The following NOL10 variants were observed in gnomAD, a reference collection of about 807,000 sequenced individuals.
The protein encoded by NOL10 is H_NH0074G24.1.
In NOL10, 58 loss-of-function variants were observed where a neutral mutation model predicts 103.5. The observed-to-expected ratio is 0.56, with a 90% CI of 0.45 to 0.70. The LOEUF (loss-of-function observed/expected upper bound fraction) is 0.70. Ranked by LOEUF, NOL10 falls within the 30% of genes least tolerant of loss-of-function variation. The pLI, the probability that NOL10 is intolerant of heterozygous loss-of-function variation, is 0.00. For synonymous variants in NOL10, 287 were observed against 282.5 expected, an observed-to-expected ratio of 1.02 and a Z score of -0.16; for missense variants, 763 against 807.3, an observed-to-expected ratio of 0.95 and a Z score of 0.67.
In NOL10 at chr2:10,684,602, T is replaced by C. The variant is rs1682022149; in HGVS notation, c.77A>G (p.Asp26Gly). 4 of 1,570,206 alleles carry C rather than the reference T, an allele frequency of 2.5e-6. No individual in the cohort carries two copies. The highest frequency in any genetic ancestry group is 3.5e-6 in the Non-Finnish European group (4 of 1,156,376). The change falls in exon 2 of 21, where the codon GAT (aspartate) becomes GGT (glycine). Residue 26 changes from aspartate (D) to glycine (G), a missense_variant. Coordinates refer to ENST00000381685, the MANE Select transcript of NOL10 (RefSeq NM_024894.4). The part of the protein sequence containing the change: ...CGKSLPEWLS[D>G]RKKRALQKKD... ...CTTCTGTAGCGCTCTCTTCTTCCTA[T>C]CAGAAAGCCACTTAAAGAAAATGAA...
chr2:10,656,631 G>A (rs1422504756), intron 11 of NOL10, among the ~76,000 whole-genome samples: 2 of 152,248 alleles, frequency 1.3e-5, no homozygotes, highest in Non-Finnish European at 2.9e-5. Flanking sequence ...ACAGGCAGCT[G>A]AACTGTGAGG....
intron 13 of NOL10, among the ~76,000 whole-genome samples, chr2:10,621,495 G>A (rs1677145539): frequency 6.6e-6 from 1 of 152,208 alleles, no homozygotes. Flanking sequence ...TTGGGAGACT[G>A]AGGTTGGGGA....
chr2:10,671,542 T>A lies in NOL10; in HGVS notation c.464+12A>T, dbSNP rs1471749264. The A allele has an allele frequency of 2.6e-6, 4 of 1,567,200 alleles. No homozygotes were observed. The highest frequency in any genetic ancestry group is 3.4e-6 in the Non-Finnish European group (4 of 1,160,276). ...GGAGGTGAAAAGGAGAAAAAGGGAC[T>A]GGATCCAATACCTTGCACCAACAAA... On this transcript the variant is annotated intron_variant, in intron 6 of 20. Transcript: ENST00000381685.
chr2:10,655,518 G>A (rs1427375513), intron 11 of NOL10, among the ~76,000 whole-genome samples: 1 of 152,110 alleles, frequency 6.6e-6, no homozygotes, highest in Admixed American at 6.6e-5. Flanking sequence ...TTGGGGAAAA[G>A]TGTTTTATCT....
At chr2:10,670,211 A>G (rs1432255580) in intron 6 of NOL10, among the ~76,000 whole-genome samples, 3 of 152,220 alleles carry the variant, frequency 2.0e-5, no homozygotes, top group East Asian at 1.9e-4. Context: ...TAAATGAGTC[A>G]CATGTAGGAA....
In NOL10 at chr2:10,607,195, A is replaced by C; in HGVS notation, c.1143T>G (p.Leu381=). Residue 381 remains leucine, a synonymous_variant, in exon 14 of 21, where the codon CTT becomes CTG. Coordinates refer to ENST00000381685, the MANE Select transcript of NOL10 (RefSeq NM_024894.4). ...DDYKFVTKKD[L]ENLGLTHLIG... ...CAATTTTTTTTTTACCTAAATTTTC[A>C]AGGTCTTTCTTGGTGACAAATTTAT... is the stretch of plus-strand genomic sequence containing the variant. 2 of 1,558,458 alleles carry C rather than the reference A, an allele frequency of 1.3e-6. No homozygotes were observed. The highest frequency in any genetic ancestry group is 1.7e-6 in the Non-Finnish European group (2 of 1,152,580).
chr2:10,634,306 T>G (rs1003125623), intron 13 of NOL10, among the ~76,000 whole-genome samples: 2 of 152,112 alleles, frequency 1.3e-5, no homozygotes, highest in African/African-American at 4.8e-5. Flanking sequence ...TGCAAACAGC[T>G]GATGGACTGG....
chr2:10,675,898 C>G (rs1681274985), intron 3 of NOL10, 27 bp from the exon 4 acceptor site: 1 of 1,274,188 alleles, frequency 7.8e-7, no homozygotes, highest in African/African-American at 1.5e-5. Flanking sequence ...TGATGTAAAA[C>G]CTAAAGACAT....
intron 4 of NOL10, among the ~76,000 whole-genome samples, chr2:10,673,989 G>C (rs527716679): frequency 1.3e-5 from 2 of 151,878 alleles, no homozygotes; most frequent in Non-Finnish European, 2.9e-5. Flanking sequence ...GTGGCACACA[G>C]AGTTTCTATT....
intron 3 of NOL10, among the ~76,000 whole-genome samples, chr2:10,677,163 TCCTGAGTTCAGGTGATCTG>T (rs1681364806): frequency 3.9e-5 from 6 of 152,064 alleles, no homozygotes; most frequent in Admixed American, 3.9e-4. Context: ...GGTCTTGAAC[TCCTGAGTTCAGGTGATCTG>T]CCTGTCTCCG....
chr2:10,655,333 A>G (rs1572386861), intron 11 of NOL10, among the ~76,000 whole-genome samples: 2 of 152,056 alleles, frequency 1.3e-5, no homozygotes, highest in Non-Finnish European at 2.9e-5. Context: ...AAACAAACCA[A>G]TCAGAGGAGA....
chr2:10,597,666 G>T (rs572809853), intron 17 of NOL10, among the ~76,000 whole-genome samples: 1 of 152,140 alleles, frequency 6.6e-6, no homozygotes, highest in Non-Finnish European at 1.5e-5. Context: ...ACTGAGCTCT[G>T]ATAATAGGTC....
chr2:10,646,464 C>A lies in NOL10; in HGVS notation c.974-2092G>T, dbSNP rs186922036. On this transcript the variant is annotated intron_variant, in intron 12 of 20. Transcript: ENST00000381685. Reference sequence around the variant, plus strand: ...AAAAATGGAGGAGGATCTCACACAACCACATACGGCTAATGATACAAGCAG... The same window carrying A: ...AAAAATGGAGGAGGATCTCACACAAACACATACGGCTAATGATACAAGCAG... Among the ~76,000 whole-genome samples the A allele has an allele frequency of 1.9e-3, 293 of 152,270 alleles. 2 individuals carry two copies. The highest frequency in any genetic ancestry group is 6.8e-3 in the African/African-American group (282 of 41,556).
chr2:10,613,739 TAACAGC>T (rs2148205533), intron 13 of NOL10, among the ~76,000 whole-genome samples: 1 of 152,302 alleles, frequency 6.6e-6, no homozygotes, highest in Non-Finnish European at 1.5e-5. Flanking sequence ...CTACATTTAC[TAACAGC>T]AACAGGGAGT....
chr2:10,594,118 G>A (rs982102653), intron 17 of NOL10, among the ~76,000 whole-genome samples: 1 of 147,926 alleles, frequency 6.8e-6, no homozygotes, highest in African/African-American at 2.5e-5. Context: ...ACTGAAGACC[G>A]AACTTCTAGA....
intron 17 of NOL10, among the ~76,000 whole-genome samples, chr2:10,593,401 T>C (rs2148170088): frequency 6.6e-6 from 1 of 152,228 alleles, no homozygotes; most frequent in South Asian, 2.1e-4. Flanking sequence ...CCTTCCAAAG[T>C]GCTGGGATTA....
Position 10,636,420 on chromosome 2 carries a change from CAA to C in NOL10, c.1026+7898_1026+7899del, listed in dbSNP as rs70953327. On this transcript the variant is annotated intron_variant, in intron 13 of 20. Transcript: ENST00000381685. ...GTGAAACCCTGTCTCTACAAAAAAC[CAA>C]AAAAAAAAAAAAAAAAAAAAAAAAC... Among the ~76,000 whole-genome samples the C allele has an allele frequency of 3.8e-3, 209 of 54,688 alleles. 13 individuals are homozygous for C. The highest frequency in any genetic ancestry group is 7.3e-3 in the South Asian group (7 of 962). The allele number at this position is 54,688 out of a possible 152,430, so 35.9% of individuals were successfully genotyped here. A position where few individuals can be genotyped will look rare whatever the true frequency, so the allele number is the denominator to read the frequency against.
chr2:10,668,113 A>G (rs1366141574), intron 7 of NOL10, among the ~76,000 whole-genome samples: 1 of 152,230 alleles, frequency 6.6e-6, no homozygotes, highest in Non-Finnish European at 1.5e-5. Flanking sequence ...AAATGAGATA[A>G]TAAAGGTAAA....
rs533165991 is a variant in NOL10 at position 10,644,613 on chromosome 2, C to A, written c.974-241G>T. ...AACTTTTACAAAACTGACTGCAAAA[C>A]AAAATGTCTACATTTTGTTATCATC... On this transcript the variant is annotated intron_variant, in intron 12 of 20. Transcript: ENST00000381685. 3.9e-5 allele frequency among the ~76,000 whole-genome samples: 6 copies of A among 152,202 alleles called. No individual in the cohort carries two copies. The South Asian group carries it at 1.0e-3, about 26-fold the overall frequency.
Sources: allele counts gnomAD v4.1 joint callset (sites outside exome capture counted in the v4.1 genomes callset), GRCh38; gene constraint gnomAD v4.1.1; transcripts MANE v1.5; gene names NCBI Gene and HGNC (gene_info 2026-07-23, HGNC 2026-07-21).